Variants in ST3GAL1 observed in about 807,000 individuals in gnomAD.
ST3GAL1 encodes the protein CMP-N-acetylneuraminate-beta-galactosamide-alpha-2,3-sialyltransferase 1.
Under a neutral mutation model 34.1 loss-of-function variants are expected in ST3GAL1, and 16 were observed. The observed-to-expected ratio is 0.47, with a 90% CI of 0.32 to 0.71. ST3GAL1 has a LOEUF of 0.71. Among genes scored for constraint, ST3GAL1 ranks in the 30% least tolerant of loss-of-function variants. The pLI is 0.04. For synonymous variants in ST3GAL1, 191 were observed against 184.7 expected, an observed-to-expected ratio of 1.03 and a Z score of -0.28; for missense variants, 353 against 447.4, an observed-to-expected ratio of 0.79 and a Z score of 1.90.
chr8:133,493,525 G>T (rs1816846596), intron 3 of ST3GAL1, among the ~76,000 whole-genome samples: 1 of 152,124 alleles, frequency 6.6e-6, no homozygotes, highest in African/African-American at 2.4e-5. Flanking sequence ...GTACAGAATG[G>T]GGCAGGAGGA....
intron 2 of ST3GAL1, among the ~76,000 whole-genome samples, chr8:133,536,100 C>G (rs952366757): frequency 1.3e-5 from 2 of 151,992 alleles, no homozygotes; most frequent in Non-Finnish European, 2.9e-5. Context: ...TCCAAGGTGG[C>G]AAAAGAAGCA....
chr8:133,519,761 CAT>C (rs1563724501), intron 2 of ST3GAL1, among the ~76,000 whole-genome samples: 2 of 144,582 alleles, frequency 1.4e-5, no homozygotes, highest in African/African-American at 5.2e-5. Context: ...ACCTGGCCAA[CAT>C]AGTGAAACCC....
At chr8:133,520,253 C>T (rs146699151) in intron 2 of ST3GAL1, among the ~76,000 whole-genome samples, 5 of 152,278 alleles carry the variant, frequency 3.3e-5, no homozygotes, top group African/African-American at 4.8e-5. Flanking sequence ...AGGCTGGAGC[C>T]GGGGACAACT....
chr8:133,492,190 C>A (rs973915443), intron 3 of ST3GAL1, among the ~76,000 whole-genome samples: 6 of 152,062 alleles, frequency 3.9e-5, no homozygotes, highest in Non-Finnish European at 7.4e-5. Flanking sequence ...GGAGGCATTC[C>A]CAGAGCCTGT....
chr8:133,468,229 G>A (rs1294766313), intron 5 of ST3GAL1, among the ~76,000 whole-genome samples: 1 of 152,136 alleles, frequency 6.6e-6, no homozygotes, highest in South Asian at 2.1e-4. Flanking sequence ...TCCAGCGATG[G>A]ATGAATAAAC....
At chr8:133,460,362 G>T (rs1815451973) in intron 9 of ST3GAL1, among the ~76,000 whole-genome samples, 1 of 152,162 alleles carries the variant, frequency 6.6e-6, no homozygotes, top group South Asian at 2.1e-4. Flanking sequence ...ACTCCGTGGT[G>T]CCCTGGGCAT....
chr8:133,528,726 C>G (rs1818049295), intron 2 of ST3GAL1, among the ~76,000 whole-genome samples: 1 of 152,228 alleles, frequency 6.6e-6, no homozygotes, highest in South Asian at 2.1e-4. Flanking sequence ...GCCCACAAAA[C>G]CTAAAATAGT....
intron 1 of ST3GAL1, among the ~76,000 whole-genome samples, chr8:133,566,060 T>G (rs1819389949): frequency 6.6e-6 from 1 of 152,246 alleles, no homozygotes; most frequent in African/African-American, 2.4e-5. Flanking sequence ...AGGTGGCTTA[T>G]GATGCTGGGC....
At chr8:133,500,393 A>G (rs1817110454) in intron 2 of ST3GAL1, among the ~76,000 whole-genome samples, 2 of 152,172 alleles carry the variant, frequency 1.3e-5, no homozygotes, top group South Asian at 4.1e-4. Flanking sequence ...AAACAACTCG[A>G]AAGGGACATT....
chr8:133,548,571 T>C (rs1482765684), intron 1 of ST3GAL1, among the ~76,000 whole-genome samples: 2 of 152,246 alleles, frequency 1.3e-5, no homozygotes, highest in African/African-American at 2.4e-5. Context: ...TTCCTATTTC[T>C]TGAATGAGAG....
At chr8:133,532,170 T>C (rs1168414463) in intron 2 of ST3GAL1, among the ~76,000 whole-genome samples, 1 of 152,182 alleles carries the variant, frequency 6.6e-6, no homozygotes, top group Non-Finnish European at 1.5e-5. Flanking sequence ...AGTTATTTTT[T>C]CATGAAAATG....
At chr8:133,462,551 GC>G (rs1815552390) in intron 8 of ST3GAL1, among the ~76,000 whole-genome samples, 1 of 152,192 alleles carries the variant, frequency 6.6e-6, no homozygotes, top group Non-Finnish European at 1.5e-5. Context: ...CCGATATCAG[GC>G]CTGGCCTTGA....
intron 2 of ST3GAL1, among the ~76,000 whole-genome samples, chr8:133,521,454 G>A (rs562339919): frequency 1.3e-5 from 2 of 152,048 alleles, no homozygotes; most frequent in East Asian, 1.9e-4. Context: ...GCCTGCCACC[G>A]TGCCCAGCTA....
At position 133,513,824 on chromosome 8, in the gene ST3GAL1, A is replaced by G. The variant is rs571402173; in HGVS notation, c.-428-14635T>C. On this transcript the variant is annotated intron_variant, in intron 2 of 9. Coordinates refer to ENST00000522652, the MANE Select transcript of ST3GAL1 (RefSeq NM_173344.3). ...TGAGGGAGGAGAATTGCTTGAACCC[A>G]GGAGGTGGAGGTTGCAGTGAGCTGA... is the stretch of plus-strand genomic sequence containing the variant. 2.4e-4 allele frequency among the ~76,000 whole-genome samples: 37 copies of G among 152,072 alleles called. 1 individual carries two copies. The South Asian group carries it at 7.5e-3, about 31-fold the overall frequency.
At chr8:133,541,755 C>A (rs1382877082) in intron 2 of ST3GAL1, among the ~76,000 whole-genome samples, 1 of 152,176 alleles carries the variant, frequency 6.6e-6, no homozygotes, top group Non-Finnish European at 1.5e-5. Context: ...GCTGTATAAT[C>A]TGCACAAGTT....
chr8:133,511,678 G>A (rs1306216975), intron 2 of ST3GAL1, among the ~76,000 whole-genome samples: 1 of 152,160 alleles, frequency 6.6e-6, no homozygotes, highest in East Asian at 1.9e-4. Context: ...CTTCACTAGA[G>A]ACCTTTCGAG....
At position 133,461,914 on chromosome 8, in the gene ST3GAL1, G is replaced by T; in HGVS notation, c.810C>A (p.Gly270=). 6.2e-7 allele frequency: 1 copy of T among 1,614,216 alleles called. No individual in the cohort carries two copies. Among genetic ancestry groups the T allele is most frequent in the South Asian group, 1.1e-5 (1 of 91,084 alleles). The change falls in exon 9 of 10, where the codon GGC becomes GGA. Residue 270 remains glycine, a synonymous_variant. Coordinates refer to ENST00000522652, the MANE Select transcript of ST3GAL1 (RefSeq NM_173344.3). The surrounding 1 kb of genome is among the most constrained non-coding windows in gnomAD (Gnocchi z 4.7). Reference sequence around the variant, plus strand: ...GCATTGAGAAGATGACCGAGAGGATGCCGGTAGATGGGTATCGCCCGTGCC... The same window carrying T: ...GCATTGAGAAGATGACCGAGAGGATTCCGGTAGATGGGTATCGCCCGTGCC... ...LQGHGRYPST[G]ILSVIFSMHV... is the part of the protein sequence containing the mutation.
intron 7 of ST3GAL1, among the ~76,000 whole-genome samples, chr8:133,463,779 A>G (rs546808979): frequency 2.4e-4 from 37 of 152,310 alleles, no homozygotes; most frequent in African/African-American, 8.7e-4. Context: ...TCCACCTCTC[A>G]GGGCCAGAGC....
At chr8:133,522,690 TTTCA>T (rs1365545342) in intron 2 of ST3GAL1, among the ~76,000 whole-genome samples, 3 of 151,982 alleles carry the variant, frequency 2.0e-5, no homozygotes, top group Non-Finnish European at 4.4e-5. Context: ...AGAGCCTGGG[TTTCA>T]TCCAAAAACT....
Sources: allele counts gnomAD v4.1 joint callset (sites outside exome capture counted in the v4.1 genomes callset), GRCh38; gene constraint gnomAD v4.1.1; non-coding constraint Gnocchi (gnomAD v3.1); transcripts MANE v1.5; gene names NCBI Gene and HGNC (gene_info 2026-07-23, HGNC 2026-07-21).